THSD7B: variants seen among roughly 807,000 people sequenced by gnomAD.
The protein encoded by THSD7B is thrombospondin type 1 domain containing 7B, also known as thrombospondin type-1 domain-containing protein 7B.
Under a neutral mutation model 213.6 loss-of-function variants are expected in THSD7B, and 138 were observed. That is an observed-to-expected ratio of 0.65 (90% confidence interval 0.56 to 0.74). THSD7B has a LOEUF of 0.74. Among genes scored for constraint, THSD7B ranks in the 30% least tolerant of loss-of-function variants. THSD7B has a pLI of 0.00. For synonymous variants in THSD7B, 742 were observed against 687.0 expected, an observed-to-expected ratio of 1.08 and a Z score of -1.25; for missense variants, 1,931 against 1,991.5, an observed-to-expected ratio of 0.97 and a Z score of 0.58.
intron 12 of THSD7B, among the ~76,000 whole-genome samples, chr2:137,363,166 TAAAGATGTTCTTTG>T (rs1389411163): frequency 6.6e-6 from 1 of 152,110 alleles, no homozygotes; most frequent in Admixed American, 6.5e-5. Context: ...AAGGCAGAAA[TAAAGATGTTCTTTG>T]AAACCAATGA....
chr2:136,842,395 G>T (rs1400778986), intron 1 of THSD7B, among the ~76,000 whole-genome samples: 1 of 152,026 alleles, frequency 6.6e-6, no homozygotes, highest in South Asian at 2.1e-4. Flanking sequence ...CATTATGAGG[G>T]TCAAAGACAG....
intron 15 of THSD7B, among the ~76,000 whole-genome samples, chr2:137,486,049 T>C (rs993632533): frequency 6.6e-6 from 1 of 152,128 alleles, no homozygotes; most frequent in Non-Finnish European, 1.5e-5. Flanking sequence ...TCATGCCAAA[T>C]TGTAAAGACC....
intron 14 of THSD7B, among the ~76,000 whole-genome samples, chr2:137,437,381 G>C (rs1191913512): frequency 6.6e-6 from 1 of 152,198 alleles, no homozygotes; most frequent in East Asian, 1.9e-4. Flanking sequence ...ACTGCTCCAA[G>C]TTCATGTCTA....
At chr2:137,149,060 T>C (rs1409263801) in intron 5 of THSD7B, among the ~76,000 whole-genome samples, 1 of 152,180 alleles carries the variant, frequency 6.6e-6, no homozygotes, top group Non-Finnish European at 1.5e-5. Context: ...TCCTGCTCTA[T>C]GCAGCCTCGA....
intron 20 of THSD7B, among the ~76,000 whole-genome samples, chr2:137,637,093 C>T (rs1004475289): frequency 1.2e-4 from 18 of 152,316 alleles, no homozygotes; most frequent in African/African-American, 4.3e-4. Context: ...CATCAAAACT[C>T]ATCATTGCCA....
intron 1 of THSD7B, among the ~76,000 whole-genome samples, chr2:136,767,507 C>A (rs1394964809): frequency 8.3e-6 from 1 of 120,958 alleles, no homozygotes; most frequent in Admixed American, 8.4e-5. Context: ...TGTGTGTTTT[C>A]TTCATCTACC....
At chr2:137,148,175 G>A (rs1030519568) in intron 5 of THSD7B, among the ~76,000 whole-genome samples, 3 of 152,050 alleles carry the variant, frequency 2.0e-5, no homozygotes, top group African/African-American at 7.2e-5. Flanking sequence ...TTTTATAAAG[G>A]ACTTTTCCCC....
At chr2:137,159,002 T>G (rs1223637102) in intron 5 of THSD7B, among the ~76,000 whole-genome samples, 1 of 152,180 alleles carries the variant, frequency 6.6e-6, no homozygotes, top group Non-Finnish European at 1.5e-5. Context: ...CAAGAGTAAT[T>G]ACTTAATGCA....
chr2:136,829,987 AG>A (rs374573281), intron 1 of THSD7B, among the ~76,000 whole-genome samples: 1,804 of 152,122 alleles, frequency 0.012, 24 homozygotes, highest in Non-Finnish European at 0.019. Context: ...TGGGTATTAT[AG>A]TCTGTAACTG....
At chr2:137,581,518 G>A (rs1681574338) in intron 17 of THSD7B, among the ~76,000 whole-genome samples, 1 of 152,106 alleles carries the variant, frequency 6.6e-6, no homozygotes, top group Non-Finnish European at 1.5e-5. Context: ...GCTGAAGCAG[G>A]AGAAATTGCT....
At chr2:137,246,807 A>G (rs1573909961) in intron 10 of THSD7B, among the ~76,000 whole-genome samples, 1 of 151,428 alleles carries the variant, frequency 6.6e-6, no homozygotes, top group Non-Finnish European at 1.5e-5. Context: ...TTTTCAGCCT[A>G]CAAAACAAAT....
chr2:137,347,850 TATC>T (rs1331835874), intron 12 of THSD7B, among the ~76,000 whole-genome samples: 1 of 151,574 alleles, frequency 6.6e-6, no homozygotes, highest in South Asian at 2.1e-4. Flanking sequence ...CCACTAGAAT[TATC>T]ATGCTTAGAT....
intron 12 of THSD7B, among the ~76,000 whole-genome samples, chr2:137,298,421 G>A (rs6430703): frequency 0.061 from 9,352 of 152,170 alleles, 540 homozygotes; most frequent in African/African-American, 0.14. Context: ...ATGCAGTAGA[G>A]AAGCAAAACC....
At chr2:136,772,053 A>C (rs1030253424) in intron 1 of THSD7B, among the ~76,000 whole-genome samples, 1 of 151,948 alleles carries the variant, frequency 6.6e-6, no homozygotes, top group Non-Finnish European at 1.5e-5. Flanking sequence ...TTTTTGTAAT[A>C]GGAAACAATC....
intron 15 of THSD7B, chr2:137,512,194 A>G (rs1679974973): frequency 6.6e-6 from 1 of 152,168 alleles, no homozygotes. Context: ...GGGTGTATTC[A>G]GGGTGATATG....
At position 136,876,873 on chromosome 2, in the gene THSD7B, C is replaced by T. The variant is rs370741079; in HGVS notation, c.-35-5271C>T. ...AGCAGAGCAGGCACTGATGGGTAAACACATGTGTTTGTGGCTGCAGTCTGT... is the reference window on the plus strand; with the variant it reads ...AGCAGAGCAGGCACTGATGGGTAAATACATGTGTTTGTGGCTGCAGTCTGT... On this transcript the variant is annotated intron_variant, in intron 1 of 27. Transcript: ENST00000409968. Among the ~76,000 whole-genome samples, 10 of 152,272 alleles carry T rather than the reference C, an allele frequency of 6.6e-5. No homozygotes were observed. In the East Asian group the frequency reaches 1.5e-3, roughly 24 times the overall value.
intron 5 of THSD7B, among the ~76,000 whole-genome samples, chr2:137,147,514 T>C (rs1679726723): frequency 6.6e-6 from 1 of 151,948 alleles, no homozygotes; most frequent in Non-Finnish European, 1.5e-5. Flanking sequence ...GAGTTCTTAC[T>C]TGGACCTTGT....
intron 1 of THSD7B, among the ~76,000 whole-genome samples, chr2:136,860,464 A>G (rs1683242324): frequency 6.6e-6 from 1 of 152,118 alleles, no homozygotes; most frequent in South Asian, 2.1e-4. Context: ...TCCAGAACTG[A>G]ACTCCTGATA....
intron 2 of THSD7B, among the ~76,000 whole-genome samples, chr2:136,885,032 T>C (rs990976146): frequency 2.0e-5 from 3 of 152,172 alleles, no homozygotes; most frequent in African/African-American, 7.2e-5. Context: ...GTGTATTTCA[T>C]TTTGATTTTT....
Sources: allele counts gnomAD v4.1 joint callset (sites outside exome capture counted in the v4.1 genomes callset), GRCh38; gene constraint gnomAD v4.1.1; transcripts MANE v1.5; gene names NCBI Gene and HGNC (gene_info 2026-07-23, HGNC 2026-07-21).